ARID4B: variants seen among roughly 807,000 people sequenced by gnomAD.
ARID4B encodes the protein AT-rich interaction domain 4B, also known as AT-rich interactive domain-containing protein 4B.
In ARID4B, 26 loss-of-function variants were observed where a neutral mutation model predicts 147.5. That is an observed-to-expected ratio of 0.18 (90% CI 0.13 to 0.24). The LOEUF (loss-of-function observed/expected upper bound fraction) is 0.24. Ranked by LOEUF, ARID4B falls within the 10% of genes least tolerant of loss-of-function variation. The pLI is 1.00. For synonymous variants in ARID4B, 512 were observed against 507.9 expected (o/e 1.01, Z -0.11); for missense variants, 1,179 against 1,511.5 (o/e 0.78, Z 3.65).
chr1:235,318,320 C>T (rs371632906), intron 2 of ARID4B, among the ~76,000 whole-genome samples: 178 of 151,910 alleles, frequency 1.2e-3, no homozygotes, highest in Admixed American at 2.6e-3. Context: ...GGATTACAGG[C>T]GCCCACCACC....
chr1:235,262,808 T>A (rs573761141), intron 2 of ARID4B, among the ~76,000 whole-genome samples: 170 of 151,626 alleles, frequency 1.1e-3, no homozygotes, highest in African/African-American at 3.8e-3. Context: ...CTCAATTAAT[T>A]AAAAAAAAAT....
At chr1:235,183,890 C>G (rs973536466) in intron 19 of ARID4B, among the ~76,000 whole-genome samples, 10 of 151,904 alleles carry the variant, frequency 6.6e-5, no homozygotes, top group African/African-American at 2.4e-4. Context: ...CTCAAATGAT[C>G]CTCCCACCTC....
intron 2 of ARID4B, among the ~76,000 whole-genome samples, chr1:235,261,093 T>C (rs755385774): frequency 5.3e-5 from 8 of 152,270 alleles, no homozygotes; most frequent in Admixed American, 2.0e-4. Context: ...AAAGGGTCCG[T>C]TGGCCAGAAG....
intron 11 of ARID4B, among the ~76,000 whole-genome samples, chr1:235,227,330 T>C (rs1358753135): frequency 6.6e-6 from 1 of 152,172 alleles, no homozygotes; most frequent in Non-Finnish European, 1.5e-5. Flanking sequence ...AGGAGGTTTT[T>C]AGCAGCAAGG....
At chr1:235,315,777 A>G (rs901551254) in intron 2 of ARID4B, among the ~76,000 whole-genome samples, 2 of 152,224 alleles carry the variant, frequency 1.3e-5, no homozygotes, top group Non-Finnish European at 2.9e-5. Context: ...ATATCTGGTT[A>G]TTCACAGTTA....
intron 20 of ARID4B, among the ~76,000 whole-genome samples, chr1:235,178,717 A>AT (rs957589074): frequency 3.3e-5 from 5 of 151,996 alleles, no homozygotes; most frequent in African/African-American, 9.7e-5. Flanking sequence ...ATAAAGTAAG[A>AT]TTTTTTCTCC....
chr1:235,223,101 G>T, intron 13 of ARID4B, 65 bp downstream of exon 13: 2 of 1,075,870 alleles, frequency 1.9e-6, no homozygotes, highest in Non-Finnish European at 2.7e-6. Flanking sequence ...CAATTTCAGA[G>T]ATGGCAGATA....
Position 235,268,959 on chromosome 1 carries a change from T to C in ARID4B, c.7-8207A>G, listed in dbSNP as rs1040660029. Among the ~76,000 whole-genome samples the C allele has an allele frequency of 3.3e-5, 5 of 152,014 alleles. No individual in the cohort carries two copies. In the South Asian group the frequency reaches 8.3e-4, roughly 25 times the overall value. On this transcript the variant is annotated intron_variant, in intron 2 of 23. Coordinates refer to ENST00000264183, the MANE Select transcript of ARID4B (RefSeq NM_016374.6). ...AGACACAGGAAGCATCTTGAAGGGG[T>C]TTTCCTCTTACTGGTCAAATGGGGG...
intron 5 of ARID4B, 42 bp downstream of exon 5, chr1:235,255,618 G>C (rs1207804317): frequency 7.7e-7 from 1 of 1,303,738 alleles, no homozygotes; most frequent in East Asian, 2.5e-5. Context: ...TTTTCTTTGT[G>C]TAACTAAAAA....
chr1:235,207,990 A>G (rs1033447029), intron 17 of ARID4B, among the ~76,000 whole-genome samples: 2 of 152,226 alleles, frequency 1.3e-5, no homozygotes, highest in East Asian at 1.9e-4. Flanking sequence ...CTGAAGTTTT[A>G]CAGTGTCTCT....
chr1:235,201,346 T>G (rs1665905841), intron 17 of ARID4B, among the ~76,000 whole-genome samples: 2 of 151,972 alleles, frequency 1.3e-5, no homozygotes, highest in African/African-American at 4.8e-5. Context: ...TTTTTTTTCT[T>G]CTTCATACAG....
chr1:235,182,790 G>A lies in ARID4B; in HGVS notation c.2129C>T (p.Ser710Phe), dbSNP rs1664406811. 3 of 1,573,360 alleles carry A rather than the reference G, an allele frequency of 1.9e-6. No individual in the cohort carries two copies. In the South Asian group the frequency reaches 3.5e-5, roughly 19 times the overall value. The change falls in exon 20 of 24, where the codon TCT (serine) becomes TTT (phenylalanine). Residue 710 changes from serine (S) to phenylalanine (F), a missense_variant. Ser to Phe is a radical substitution (Grantham distance 155). Transcript: ENST00000264183. ...ITSILNGLQA[S>F]ESSAEDSEQE... is the part of the protein sequence containing the mutation. ...CTCACTGTCTTCAGCAGAACTTTCAGAAGCTAGAAAATAACAGAAAAAAAA... is the reference window on the plus strand; with the variant it reads ...CTCACTGTCTTCAGCAGAACTTTCAAAAGCTAGAAAATAACAGAAAAAAAA...
intron 2 of ARID4B, among the ~76,000 whole-genome samples, chr1:235,315,315 A>AG (rs1255344425): frequency 1.3e-5 from 2 of 152,146 alleles, no homozygotes; most frequent in African/African-American, 4.8e-5. Flanking sequence ...TTGTAGTCTC[A>AG]GCTACTTGGG....
intron 6 of ARID4B, among the ~76,000 whole-genome samples, chr1:235,251,942 G>A (rs1211629220): frequency 3.9e-5 from 6 of 152,122 alleles, no homozygotes; most frequent in African/African-American, 1.4e-4. Context: ...AGAAAGTGCT[G>A]GTTAGAAAAC....
At chr1:235,265,653 C>A (rs568478732) in intron 2 of ARID4B, among the ~76,000 whole-genome samples, 1 of 151,408 alleles carries the variant, frequency 6.6e-6, no homozygotes, top group South Asian at 2.1e-4. Flanking sequence ...GAGCAGAGAT[C>A]GCGCCACCGC....
At chr1:235,218,207 G>C (rs1667220594) in intron 16 of ARID4B, among the ~76,000 whole-genome samples, 1 of 151,896 alleles carries the variant, frequency 6.6e-6, no homozygotes, top group Non-Finnish European at 1.5e-5. Context: ...ACCAAACTAG[G>C]GCAGTCACAT....
chr1:235,288,078 G>T (rs1013986093), intron 2 of ARID4B, among the ~76,000 whole-genome samples: 67 of 152,316 alleles, frequency 4.4e-4, no homozygotes, highest in African/African-American at 1.6e-3. Context: ...AGGCCAAGGC[G>T]GGTGGATCAC....
intron 13 of ARID4B, among the ~76,000 whole-genome samples, chr1:235,221,884 C>CTTTT (rs1370136402): frequency 1.0e-4 from 8 of 78,574 alleles, no homozygotes; most frequent in Non-Finnish European, 1.5e-4. Flanking sequence ...AGTCATTTGA[C>CTTTT]TATTTTTTTT....
chr1:235,248,630 TGTTA>T (rs2103088277), intron 6 of ARID4B, among the ~76,000 whole-genome samples: 1 of 152,308 alleles, frequency 6.6e-6, no homozygotes, highest in African/African-American at 2.4e-5. Flanking sequence ...TTTAAGTATC[TGTTA>T]GTCATTTCAC....
Sources: allele counts gnomAD v4.1 joint callset (sites outside exome capture counted in the v4.1 genomes callset), GRCh38; gene constraint gnomAD v4.1.1; transcripts MANE v1.5; gene names NCBI Gene and HGNC (gene_info 2026-07-23, HGNC 2026-07-21).